DCC: variants seen among roughly 807,000 people sequenced by gnomAD.
DCC encodes DCC netrin 1 receptor.
Under a neutral mutation model 172.5 loss-of-function variants are expected in DCC, and 58 were observed. The ratio of observed to expected loss-of-function variants is 0.34; its 90% confidence interval spans 0.27 to 0.42. The LOEUF (loss-of-function observed/expected upper bound fraction) is 0.42. DCC is among the 10% of genes least tolerant of loss of function. DCC has a pLI of 1.00. For missense variants in DCC, 1,740 were observed against 1,791.0 expected (o/e 0.97, Z 0.51); for synonymous variants, 709 against 644.5 (o/e 1.10, Z -1.52).
At chr18:52,861,953 A>G (rs2039149295) in intron 2 of DCC, among the ~76,000 whole-genome samples, 1 of 152,160 alleles carries the variant, frequency 6.6e-6, no homozygotes, top group African/African-American at 2.4e-5. Flanking sequence ...ATGATAAAAG[A>G]CTTAGAATAG....
chr18:53,085,713 A>T (rs955492942), intron 7 of DCC, among the ~76,000 whole-genome samples: 1 of 151,896 alleles, frequency 6.6e-6, no homozygotes, highest in African/African-American at 2.4e-5. Context: ...AGGTGGGAAG[A>T]TGGTAGAATC....
chr18:52,730,177 C>T (rs1355472090), intron 1 of DCC, among the ~76,000 whole-genome samples: 3 of 152,094 alleles, frequency 2.0e-5, no homozygotes, highest in South Asian at 2.1e-4. Flanking sequence ...GATTTTGCCC[C>T]TCCCACACCA....
chr18:53,138,897 A>G lies in DCC; in HGVS notation c.1262-18459A>G, dbSNP rs563614432. 2.0e-5 allele frequency among the ~76,000 whole-genome samples: 3 copies of G among 152,302 alleles called. No homozygotes were observed. In the South Asian group the frequency reaches 6.2e-4, roughly 32 times the overall value. ...AATTATACAATACTTAGCACGCAATATTCACTTTCTAATACCAGAAAGGCA... is the reference window on the plus strand; with the variant it reads ...AATTATACAATACTTAGCACGCAATGTTCACTTTCTAATACCAGAAAGGCA... On this transcript the variant is annotated intron_variant, in intron 7 of 28. Coordinates refer to ENST00000442544, the MANE Select transcript of DCC (RefSeq NM_005215.4).
chr18:52,682,731 A>AACAG (rs60374516), intron 1 of DCC, among the ~76,000 whole-genome samples: 69,728 of 151,524 alleles, frequency 0.46, 16,156 homozygotes, highest in Non-Finnish European at 0.5. Context: ...AAGAAAACAA[A>AACAG]ACAGACAGAG....
intron 27 of DCC, among the ~76,000 whole-genome samples, chr18:53,513,161 A>T (rs904826049): frequency 1.3e-5 from 2 of 152,066 alleles, no homozygotes; most frequent in Admixed American, 1.3e-4. Flanking sequence ...AATATTCAAC[A>T]TTCTTAAAGA....
intron 1 of DCC, among the ~76,000 whole-genome samples, chr18:52,645,001 A>C (rs1017165881): frequency 5.3e-5 from 8 of 152,156 alleles, no homozygotes; most frequent in African/African-American, 1.9e-4. Context: ...TCTTCTATTT[A>C]GGGAAGAAAA....
chr18:53,222,956 CAATT>C (rs2055966073), intron 12 of DCC, among the ~76,000 whole-genome samples: 2 of 151,772 alleles, frequency 1.3e-5, no homozygotes, highest in African/African-American at 4.8e-5. Context: ...CTTCTTATCT[CAATT>C]AATTTAAAAT....
chr18:53,517,174 C>A (rs1241521064), intron 27 of DCC, among the ~76,000 whole-genome samples: 2 of 144,384 alleles, frequency 1.4e-5, no homozygotes, highest in African/African-American at 5.2e-5. Flanking sequence ...TGGAAATCAT[C>A]ATTCTCAGTA....
At chr18:52,789,731 C>A (rs1455537744) in intron 2 of DCC, among the ~76,000 whole-genome samples, 1 of 152,148 alleles carries the variant, frequency 6.6e-6, no homozygotes, top group African/African-American at 2.4e-5. Context: ...TAAAGGAGAT[C>A]TGACCCAAAC....
chr18:52,654,279 G>T (rs913318023), intron 1 of DCC, among the ~76,000 whole-genome samples: 1 of 152,120 alleles, frequency 6.6e-6, no homozygotes, highest in Non-Finnish European at 1.5e-5. Context: ...AGGGTGGGGG[G>T]CTAATACAAG....
chr18:52,880,889 A>G (rs2039475799), intron 2 of DCC, among the ~76,000 whole-genome samples: 1 of 152,106 alleles, frequency 6.6e-6, no homozygotes, highest in South Asian at 2.1e-4. Flanking sequence ...TAGTGGGATT[A>G]CTGGATTATA....
intron 9 of DCC, among the ~76,000 whole-genome samples, chr18:53,192,834 C>T (rs1031016267): frequency 6.6e-6 from 1 of 152,180 alleles, no homozygotes; most frequent in Non-Finnish European, 1.5e-5. Context: ...CACGTCTCCA[C>T]CTACACGCAT....
intron 2 of DCC, among the ~76,000 whole-genome samples, chr18:52,882,881 GTCTA>G (rs902846389): frequency 6.6e-6 from 1 of 152,030 alleles, no homozygotes; most frequent in African/African-American, 2.4e-5. Flanking sequence ...TCATATTGGT[GTCTA>G]TCTCTTCCTT....
chr18:53,488,322 C>T (rs2045924880), intron 26 of DCC, among the ~76,000 whole-genome samples: 1 of 152,148 alleles, frequency 6.6e-6, no homozygotes. Flanking sequence ...TTGCATTGAG[C>T]TGAGAGTGTG....
At chr18:53,253,720 A>C (rs528975041) in intron 12 of DCC, among the ~76,000 whole-genome samples, 2 of 152,230 alleles carry the variant, frequency 1.3e-5, no homozygotes, top group African/African-American at 4.8e-5. Context: ...TAGCAGTTTC[A>C]GGAAGAAAAT....
intron 5 of DCC, among the ~76,000 whole-genome samples, chr18:53,032,056 G>A (rs1568257287): frequency 6.6e-6 from 1 of 152,072 alleles, no homozygotes; most frequent in East Asian, 1.9e-4. Flanking sequence ...GTACTCAGGA[G>A]GTCAGCCACA....
chr18:53,303,002 A>C (rs2057158749), intron 12 of DCC, among the ~76,000 whole-genome samples: 1 of 152,164 alleles, frequency 6.6e-6, no homozygotes, highest in South Asian at 2.1e-4. Flanking sequence ...CTAGAGTCTC[A>C]AGTATTCCAG....
chr18:52,389,657 G>T (rs1237614617), intron 1 of DCC, among the ~76,000 whole-genome samples: 1 of 152,082 alleles, frequency 6.6e-6, no homozygotes, highest in Non-Finnish European at 1.5e-5. Context: ...TACTTCTATG[G>T]TAGGAGTTAC....
intron 15 of DCC, among the ~76,000 whole-genome samples, chr18:53,385,040 T>C (rs12956916): frequency 7.1e-6 from 1 of 141,140 alleles, no homozygotes; most frequent in African/African-American, 2.9e-5. Flanking sequence ...TTTTTTTTTG[T>C]ATTTTTAGTA....
Sources: allele counts gnomAD v4.1 joint callset (sites outside exome capture counted in the v4.1 genomes callset), GRCh38; gene constraint gnomAD v4.1.1; transcripts MANE v1.5; gene names NCBI Gene and HGNC (gene_info 2026-07-23, HGNC 2026-07-21).